Variants in PPFIA1 observed in about 807,000 individuals in gnomAD.
PPFIA1 encodes liprin-alpha-1.
PPFIA1 carries 25 observed loss-of-function variants against 149.9 expected under a neutral mutation model. That is an observed-to-expected ratio of 0.17 (90% CI 0.12 to 0.23). PPFIA1 has a LOEUF of 0.23. Among genes scored for constraint, PPFIA1 ranks in the 10% least tolerant of loss-of-function variants. The pLI is 1.00. For synonymous variants in PPFIA1, 549 were observed against 552.8 expected, an observed-to-expected ratio of 0.99 and a Z score of 0.10; for missense variants, 1,362 against 1,506.5, an observed-to-expected ratio of 0.90 and a Z score of 1.59.
intron 7 of PPFIA1, among the ~76,000 whole-genome samples, chr11:70,328,568 G>A (rs1017256576): frequency 4.6e-5 from 7 of 152,060 alleles, no homozygotes; most frequent in Admixed American, 3.3e-4. Flanking sequence ...ATAATACAAC[G>A]ATTTATATTC....
At chr11:70,338,490 A>C (rs769902295) in intron 13 of PPFIA1, 37 bp downstream of exon 13, 37 of 1,548,812 alleles carry the variant, frequency 2.4e-5, no homozygotes, top group Non-Finnish European at 3.0e-5. Flanking sequence ...TATTGTCAGC[A>C]CCTGTGGCAG....
At chr11:70,336,410 G>A (rs2054982242) in intron 11 of PPFIA1, among the ~76,000 whole-genome samples, 1 of 150,174 alleles carries the variant, frequency 6.7e-6, no homozygotes, top group Admixed American at 6.7e-5. Context: ...GCTAAGGCAT[G>A]AAAATCGCTT....
rs578217206 is a variant in PPFIA1 at position 70,372,556 on chromosome 11, A to G, written c.3121A>G (p.Ser1041Gly). ...RKELERKREE[S>G]QSEIKDVLVW... is the part of the protein sequence containing the mutation. ...AGAACTGGAAAGAAAAAGAGAAGAA[A>G]GTCAGAGTGAAATAAAAGGTTAGTA... Residue 1041 changes from serine to glycine, a missense_variant, in exon 23 of 28, where the codon AGT (serine) becomes GGT (glycine). Ser to Gly is a moderately conservative substitution (Grantham distance 56). Coordinates refer to ENST00000253925, the MANE Select transcript of PPFIA1 (RefSeq NM_003626.5). The G allele has an allele frequency of 1.9e-6, 3 of 1,611,856 alleles. No individual in the cohort carries two copies. The Admixed American group carries it at 5.0e-5, about 27-fold the overall frequency.
chr11:70,329,612 A>T (rs1280613776), intron 7 of PPFIA1, among the ~76,000 whole-genome samples: 1 of 152,094 alleles, frequency 6.6e-6, no homozygotes, highest in Non-Finnish European at 1.5e-5. Context: ...ATGCGTGGCT[A>T]ATTTTTGTTT....
chr11:70,283,996 G>A (rs772907313), intron 2 of PPFIA1: 1 of 533,620 alleles, frequency 1.9e-6, no homozygotes, highest in Non-Finnish European at 3.8e-6. Context: ...AAAAGTACTT[G>A]CGGATTTTGC....
At chr11:70,296,073 C>A (rs2051983182) in intron 2 of PPFIA1, among the ~76,000 whole-genome samples, 1 of 151,824 alleles carries the variant, frequency 6.6e-6, no homozygotes, top group African/African-American at 2.4e-5. Context: ...CTCCCCACAT[C>A]TCAGACGATG....
chr11:70,306,275 G>A (rs1009123114), intron 2 of PPFIA1, among the ~76,000 whole-genome samples: 12 of 151,978 alleles, frequency 7.9e-5, no homozygotes, highest in Non-Finnish European at 1.3e-4. Flanking sequence ...TAAACGTATA[G>A]GGGAGTGACA....
chr11:70,289,956 G>A (rs2051414702), intron 2 of PPFIA1, among the ~76,000 whole-genome samples: 1 of 152,126 alleles, frequency 6.6e-6, no homozygotes, highest in South Asian at 2.1e-4. Flanking sequence ...TCAGCCAGGT[G>A]CAGTGGCTCA....
rs758596861 is a variant in PPFIA1, at chr11:70,376,549, A to C, written c.3333A>C (p.Glu1111Asp). The C allele has an allele frequency of 2.5e-6, 4 of 1,613,916 alleles. No individual in the cohort carries two copies. Among genetic ancestry groups the C allele is most frequent in the Non-Finnish European group, 3.4e-6 (4 of 1,179,756 alleles). Residue 1111 changes from glutamate to aspartate, a missense_variant, in exon 25 of 28, where the codon GAA becomes GAC. Physicochemically the swap from Glu to Asp is conservative, Grantham distance 45. This residue lies in a region of PPFIA1 where 349 missense variants were observed against 373.3 expected (regional missense o/e 0.93). Transcript: ENST00000253925. ...TATTTCAGGCTCGTGCTGTCTTGGA[A>C]AGAGAATTTAACAACCTTTTGGTCA... ...TQNTQARAVL[E>D]REFNNLLVMG...
At chr11:70,377,974 C>A in intron 25 of PPFIA1, 56 bp from the exon 26 acceptor site, 1 of 1,371,068 alleles carries the variant, frequency 7.3e-7, no homozygotes, top group Non-Finnish European at 1.0e-6. Flanking sequence ...TGTAACTTTA[C>A]ATCTCTGACC....
chr11:70,356,183 C>G lies in PPFIA1; in HGVS notation c.2511C>G (p.Asn837Lys). The G allele has an allele frequency of 6.2e-7, 1 of 1,614,018 alleles. No homozygotes were observed. The highest frequency in any genetic ancestry group is 1.3e-5 in the African/African-American group (1 of 75,008). ...CAGCTGGTGTTTCCGAGACGGATAA[C>G]TCATCTCAGGATGCCTTGGGACTTA... is the stretch of plus-strand genomic sequence containing the variant. ...LGQAGVSETD[N>K]SSQDALGLSK... The change falls in exon 19 of 28, where the codon AAC (asparagine) becomes AAG (lysine). Residue 837 changes from asparagine to lysine, a missense_variant. Coordinates refer to ENST00000253925, the MANE Select transcript of PPFIA1 (RefSeq NM_003626.5).
intron 21 of PPFIA1, among the ~76,000 whole-genome samples, chr11:70,370,971 A>G (rs982681189): frequency 1.7e-4 from 26 of 152,224 alleles, no homozygotes; most frequent in Non-Finnish European, 3.5e-4. Flanking sequence ...CGTCTGTACT[A>G]AAAATACAAA....
chr11:70,369,629 A>G (rs913067398), intron 21 of PPFIA1, among the ~76,000 whole-genome samples: 6 of 152,336 alleles, frequency 3.9e-5, no homozygotes, highest in African/African-American at 1.2e-4. Flanking sequence ...TAGAAGATTT[A>G]TGATTACAAC....
At position 70,326,585 on chromosome 11, in the gene PPFIA1, T is replaced by TC. The variant is rs397961702; in HGVS notation, c.709-7dup. On this transcript the variant is annotated splice_polypyrimidine_tract_variant and intron_variant, in intron 6 of 27. Coordinates refer to ENST00000253925, the MANE Select transcript of PPFIA1 (RefSeq NM_003626.5). ...ACAAGGGTATTTAAGGATTTTTTTT[T>TC]CCCCCTATCAGAGATCTTCTGATGG... is the stretch of plus-strand genomic sequence containing the variant. The TC allele has an allele frequency of 6.3e-6, 10 of 1,584,558 alleles. No individual in the cohort carries two copies. The highest frequency in any genetic ancestry group is 8.6e-6 in the Non-Finnish European group (10 of 1,163,378).
intron 24 of PPFIA1, 29 bp downstream of exon 24, chr11:70,375,122 T>C: frequency 7.0e-7 from 1 of 1,424,700 alleles, no homozygotes; most frequent in Non-Finnish European, 9.3e-7. Flanking sequence ...GTGTCTGCAC[T>C]CATTGTTCAG....
intron 11 of PPFIA1, among the ~76,000 whole-genome samples, chr11:70,336,665 T>A (rs923939033): frequency 2.6e-5 from 4 of 152,246 alleles, no homozygotes; most frequent in African/African-American, 9.6e-5. Flanking sequence ...AAGCCTGGAC[T>A]CTGAGTACTG....
chr11:70,339,257 G>T lies in PPFIA1; in HGVS notation c.1658G>T (p.Arg553Leu), dbSNP rs763545367. 1 of 1,613,988 alleles carries T rather than the reference G, an allele frequency of 6.2e-7. No homozygotes were observed. Among genetic ancestry groups the T allele is most frequent in the African/African-American group, 1.3e-5 (1 of 74,920 alleles). ...TCCTACAGCACCAGTGCAGTGCTGC[G>T]GCGCCCACAGAAAGGCCGGCTGGCA... Reference protein sequence around the residue: ...TDSYSTSAVLRRPQKGRLAAL... With the variant: ...TDSYSTSAVLLRPQKGRLAAL... The change falls in exon 14 of 28, where the codon CGG becomes CTG. Residue 553 changes from arginine (R) to leucine (L), a missense_variant. By Grantham distance (102) the Arg-to-Leu change is moderately radical. This residue lies in a region of PPFIA1 where 733 missense variants were observed against 744.1 expected (regional missense o/e 0.99). Coordinates refer to ENST00000253925, the MANE Select transcript of PPFIA1 (RefSeq NM_003626.5).
chr11:70,291,332 C>T (rs1461438419), intron 2 of PPFIA1, among the ~76,000 whole-genome samples: 5 of 152,152 alleles, frequency 3.3e-5, no homozygotes, highest in South Asian at 2.1e-4. Flanking sequence ...GAGATGATTT[C>T]GAATAGCCTG....
At chr11:70,337,579 G>A in intron 12 of PPFIA1, 152 bp downstream of exon 12, 3 of 531,684 alleles carry the variant, frequency 5.6e-6, no homozygotes. Context: ...AGGCTTGTAT[G>A]TTGAATGCCT....
Sources: allele counts gnomAD v4.1 joint callset (sites outside exome capture counted in the v4.1 genomes callset), GRCh38; gene constraint gnomAD v4.1.1; regional missense constraint gnomAD v4.1.1; transcripts MANE v1.5; gene names NCBI Gene and HGNC (gene_info 2026-07-23, HGNC 2026-07-21).